VSIG10L2: variants seen among roughly 807,000 people sequenced by gnomAD.
VSIG10L2 encodes V-set and immunoglobulin domain-containing protein 10-like 2.
In VSIG10L2, 56 loss-of-function variants were observed where a neutral mutation model predicts 67.1. The observed-to-expected ratio is 0.83, with a 90% CI of 0.67 to 1.04. VSIG10L2 has a LOEUF of 1.04. Ranked by LOEUF, VSIG10L2 falls within the 50% of genes least tolerant of loss-of-function variation. The pLI is 0.00. For missense variants in VSIG10L2, 843 were observed against 932.8 expected (o/e 0.90, Z 1.25); for synonymous variants, 360 against 396.6 (o/e 0.91, Z 1.10).
At chr11:125,947,613 C>T (rs1009480021) in intron 1 of VSIG10L2, 73 bp from the exon 2 acceptor site, 50 of 1,231,868 alleles carry the variant, frequency 4.1e-5, no homozygotes, top group Admixed American at 8.4e-5. Context: ...AAAAGAGAGG[C>T]TCCAGGCAAG....
At chr11:125,953,281 G>A in intron 6 of VSIG10L2, 119 bp from the exon 7 acceptor site, 1 of 847,448 alleles carries the variant, frequency 1.2e-6, no homozygotes, top group Non-Finnish European at 1.6e-6. Context: ...CCCCAGACAA[G>A]CCTCATTGTC....
chr11:125,948,231 G>A, intron 2 of VSIG10L2, 74 bp from the exon 3 acceptor site: 1 of 1,231,852 alleles, frequency 8.1e-7, no homozygotes, highest in Non-Finnish European at 1.0e-6. Flanking sequence ...GCCAGCAGGG[G>A]TGGGGGCGCT....
Position 125,952,029 on chromosome 11 carries a change from C to A in VSIG10L2, c.1451C>A (p.Thr484Asn). 1 of 1,536,004 alleles carries A rather than the reference C, an allele frequency of 6.5e-7. No homozygotes were observed. Among genetic ancestry groups the A allele is most frequent in the Non-Finnish European group, 8.7e-7 (1 of 1,146,776 alleles). Reference protein sequence around the residue: ...LAGREFTCRGTHLLRTPDPHC... With the variant: ...LAGREFTCRGNHLLRTPDPHC... ...GGCAGAGAGTTCACCTGCCGGGGCA[C>A]TCACCTGCTCAGGACCCCTGACCCC... The change falls in exon 6 of 12, where the codon ACT (threonine) becomes AAT (asparagine). Residue 484 changes from threonine to asparagine, a missense_variant. Thr to Asn is a moderately conservative substitution (Grantham distance 65, BLOSUM62 0). This residue lies in a region of VSIG10L2 where 397 missense variants were observed against 384.4 expected (regional missense o/e 1.03). Coordinates refer to ENST00000686984, the MANE Select transcript of VSIG10L2 (RefSeq NM_001365077.2).
chr11:125,951,769 C>T, intron 5 of VSIG10L2, 44 bp from the exon 6 acceptor site: 6 of 1,441,374 alleles, frequency 4.2e-6, no homozygotes, highest in Non-Finnish European at 5.5e-6. Flanking sequence ...CTGCCAAGCC[C>T]TTCCTCCTTC....
intron 6 of VSIG10L2, among the ~76,000 whole-genome samples, chr11:125,952,950 T>C (rs945259950): frequency 7.9e-5 from 12 of 152,160 alleles, no homozygotes; most frequent in Admixed American, 7.2e-4. Flanking sequence ...AATTCCATCG[T>C]AGGAGATTCA....
chr11:125,954,530 C>A (rs1945424674), intron 8 of VSIG10L2, 147 bp downstream of exon 8: 2 of 634,892 alleles, frequency 3.2e-6, no homozygotes, highest in Non-Finnish European at 4.5e-6. Context: ...TCCTCTCTCT[C>A]CACTCTCCCC....
rs568786554 is a variant in VSIG10L2 at position 125,952,051 on chromosome 11, C to A, written c.1473C>A (p.Asp491Glu). ...GCACTCACCTGCTCAGGACCCCTGA[C>A]CCCCACTGCCACCTCCAGCTGGGTG... ...CRGTHLLRTP[D>E]PHCHLQLEAP... is the part of the protein sequence containing the mutation. Residue 491 changes from aspartate to glutamate, a missense_variant, in exon 6 of 12, where the codon GAC becomes GAA. By Grantham distance (45) the Asp-to-Glu change is conservative. Coordinates refer to ENST00000686984, the MANE Select transcript of VSIG10L2 (RefSeq NM_001365077.2). 1.6e-5 allele frequency: 24 copies of A among 1,534,800 alleles called. No homozygotes were observed. In the African/African-American group the frequency reaches 3.1e-4, roughly 20 times the overall value.
In VSIG10L2 at chr11:125,947,726, G is replaced by A; in HGVS notation, c.123G>A (p.Val41=). 2 of 1,232,310 alleles carry A rather than the reference G, an allele frequency of 1.6e-6. No individual in the cohort carries two copies. The highest frequency in any genetic ancestry group is 2.0e-6 in the Non-Finnish European group (2 of 988,084). The allele number at this position is 1,232,310 out of a possible 1,614,324, so 76.3% of individuals were successfully genotyped here. A position where few individuals can be genotyped will look rare whatever the true frequency, so the allele number is the denominator to read the frequency against. ...HPTPEAPVEE[V]VSVQGVRGGS... The stretch of plus-strand genomic sequence containing the variant: ...CCCCCGAGGCCCCTGTAGAGGAGGT[G>A]GTGTCTGTCCAGGGAGTGCGAGGTG... Residue 41 remains valine (V), a synonymous_variant, in exon 2 of 12, where the codon GTG becomes GTA. Transcript: ENST00000686984.
Position 125,946,607 on chromosome 11 carries a change from G to A in VSIG10L2, c.82+470G>A, listed in dbSNP as rs529630992. Among the ~76,000 whole-genome samples the A allele has an allele frequency of 2.0e-5, 3 of 149,022 alleles. No homozygotes were observed. The highest frequency in any genetic ancestry group is 2.1e-4 in the South Asian group (1 of 4,690). Reference sequence around the variant, plus strand: ...GGCTGGAGTGCAGTGGTGTGATCTCGGCTCACTGCAACCTCTGCCTCCTGG... The same window carrying A: ...GGCTGGAGTGCAGTGGTGTGATCTCAGCTCACTGCAACCTCTGCCTCCTGG... On this transcript the variant is annotated intron_variant, in intron 1 of 11. Transcript: ENST00000686984. The surrounding 1 kb of genome is among the most constrained non-coding windows in gnomAD (Gnocchi z 4.4).
rs948114 is a variant in VSIG10L2 at position 125,951,850 on chromosome 11, C to A, written c.1272C>A (p.Ala424=). 6 of 1,525,892 alleles carry A rather than the reference C, an allele frequency of 3.9e-6. No individual in the cohort carries two copies. In the African/African-American group the frequency reaches 6.9e-5, roughly 17 times the overall value. The allele number at this position is 1,525,892 out of a possible 1,614,324, so 94.5% of individuals were successfully genotyped here. A position where few individuals can be genotyped will look rare whatever the true frequency, so the allele number is the denominator to read the frequency against. The change falls in exon 6 of 12, where the codon GCC becomes GCA. Residue 424 remains alanine, a synonymous_variant. Transcript: ENST00000686984. ...GGAGGCCTACCTGCTGGAGCACAGC[C>A]ACAATGGGGGACCAGTTCATCATGC... is the stretch of plus-strand genomic sequence containing the variant. ...PLGRPTCWST[A]TMGDQFIMLS... is the part of the protein sequence containing the mutation.
intron 8 of VSIG10L2, 143 bp downstream of exon 8, chr11:125,954,526 C>A: frequency 1.6e-6 from 1 of 630,920 alleles, no homozygotes; most frequent in Non-Finnish European, 2.3e-6. Context: ...GTCCTCCTCT[C>A]TCTCCACTCT....
chr11:125,948,393 C>T lies in VSIG10L2; in HGVS notation c.522C>T (p.Gly174=), dbSNP rs889435973. The change falls in exon 3 of 12, where the codon GGC becomes GGT. Residue 174 remains glycine, a synonymous_variant. Coordinates refer to ENST00000686984, the MANE Select transcript of VSIG10L2 (RefSeq NM_001365077.2). ...TGGCCACGTGTGCAGTGCGGGAGGG[C>T]ACAGAGCCCGTGACCTTTGCCTGGC... ...SVVATCAVRE[G]TEPVTFAWQH... 1 of 1,232,244 alleles carries T rather than the reference C, an allele frequency of 8.1e-7. No homozygotes were observed. The highest frequency in any genetic ancestry group is 1.0e-6 in the Non-Finnish European group (1 of 988,126). 76.3% of individuals were successfully genotyped at this position (1,232,244 alleles called of 1,614,324 possible).
intron 8 of VSIG10L2, among the ~76,000 whole-genome samples, 175 bp from the exon 9 acceptor site, chr11:125,954,882 G>C (rs951528475): frequency 1.3e-5 from 2 of 152,188 alleles, no homozygotes; most frequent in Non-Finnish European, 2.9e-5. Context: ...ACAGAGCGCC[G>C]CCTTCCTTGG....
chr11:125,948,815 C>A (rs539537803), intron 3 of VSIG10L2, among the ~76,000 whole-genome samples: 1 of 152,274 alleles, frequency 6.6e-6, no homozygotes, highest in Non-Finnish European at 1.5e-5. Context: ...GGAAAACGTG[C>A]ATACATTCAT....
chr11:125,949,163 C>T (rs2471473), intron 3 of VSIG10L2, among the ~76,000 whole-genome samples: 98,983 of 152,194 alleles, frequency 0.65, 32,454 homozygotes, highest in East Asian at 0.85. Flanking sequence ...TCCGTAACTT[C>T]TATATTGATT....
rs753977079 is a variant in VSIG10L2 at position 125,956,261 on chromosome 11, GAA to G, written c.*353_*354del. 1.1e-5 allele frequency: 6 copies of G among 532,186 alleles called. No individual in the cohort carries two copies. Among genetic ancestry groups the G allele is most frequent in the African/African-American group, 1.9e-5 (1 of 52,264 alleles). 33.0% of individuals were successfully genotyped at this position (532,186 alleles called of 1,614,324 possible). ...AGTATGAGCAAGCTAGCTGCTTCCA[GAA>G]AAAAAGTCTGTGGATGGAGCAATTC... On this transcript the variant is annotated 3_prime_UTR_variant, in exon 12 of 12. Transcript: ENST00000686984.
In VSIG10L2 at chr11:125,946,234, A is replaced by T; in HGVS notation, c.82+97A>T. The T allele has an allele frequency of 2.5e-6, 1 of 398,038 alleles. No homozygotes were observed. The allele number at this position is 398,038 out of a possible 1,614,324, so 24.7% of individuals were successfully genotyped here. A position where few individuals can be genotyped will look rare whatever the true frequency, so the allele number is the denominator to read the frequency against. On this transcript the variant is annotated intron_variant, in intron 1 of 11. Transcript: ENST00000686984. The surrounding 1 kb of genome is among the most constrained non-coding windows in gnomAD (Gnocchi z 4.4). The stretch of plus-strand genomic sequence containing the variant: ...GGATCCTCCTTTTGCACTCCATTCC[A>T]TGAAGTCCGTTCAGTCATTCATCGG...
Position 125,952,002 on chromosome 11 carries a change from C to T in VSIG10L2, c.1424C>T (p.Ala475Val), listed in dbSNP as rs1314726311. Residue 475 changes from alanine to valine, a missense_variant, in exon 6 of 12, where the codon GCT becomes GTT. Physicochemically the swap from Ala to Val is moderately conservative, Grantham distance 64. Around this residue, in one of 2 missense-constraint regions of VSIG10L2, gnomAD observed 397 missense variants for 384.4 expected, o/e 1.03. Coordinates refer to ENST00000686984, the MANE Select transcript of VSIG10L2 (RefSeq NM_001365077.2). ...VHLLQAQEDL[A>V]GREFTCRGTH... ...CTCCTGCAGGCCCAAGAAGATCTGG[C>T]TGGCAGAGAGTTCACCTGCCGGGGC... is the stretch of plus-strand genomic sequence containing the variant. The T allele has an allele frequency of 6.5e-7, 1 of 1,536,154 alleles. No individual in the cohort carries two copies. Among genetic ancestry groups the T allele is most frequent in the Non-Finnish European group, 8.7e-7 (1 of 1,146,898 alleles).
chr11:125,951,070 A>G lies in VSIG10L2; in HGVS notation c.1146A>G (p.Ala382=). 1 of 1,232,618 alleles carries G rather than the reference A, an allele frequency of 8.1e-7. No homozygotes were observed. The highest frequency in any genetic ancestry group is 1.0e-6 in the Non-Finnish European group (1 of 988,364). The allele number at this position is 1,232,618 out of a possible 1,614,324, so 76.4% of individuals were successfully genotyped here. ...CCAGCAACGTCACCTGGAGTCACGC[A>G]GCCGCCCAGCTCCCCAGTGGCAGCG... is the stretch of plus-strand genomic sequence containing the variant. ...TAPSNVTWSH[A]AAQLPSGSVF... The change falls in exon 5 of 12, where the codon GCA becomes GCG. Residue 382 remains alanine, a synonymous_variant. Transcript: ENST00000686984.
Sources: gnomAD v4.1 joint callset for allele counts (sites outside exome capture counted in the v4.1 genomes callset) on GRCh38, gnomAD v4.1.1 for gene constraint, gnomAD v4.1.1 regional missense constraint, Gnocchi (gnomAD v3.1) non-coding constraint, MANE v1.5 for transcripts, NCBI Gene and HGNC (gene_info 2026-07-23, HGNC 2026-07-21) for gene names.